FNDC3B: variants seen among roughly 807,000 people sequenced by gnomAD.
The protein encoded by FNDC3B is fibronectin type III domain-containing protein 3B.
Under a neutral mutation model 151.5 loss-of-function variants are expected in FNDC3B, and 12 were observed. That is an observed-to-expected ratio of 0.08 (90% CI 0.05 to 0.13). The LOEUF is 0.13. Ranked by LOEUF, FNDC3B falls within the 10% of genes least tolerant of loss-of-function variation. The pLI is 1.00. For synonymous variants in FNDC3B, 528 were observed against 549.0 expected (o/e 0.96, Z 0.54); for missense variants, 1,214 against 1,505.3 (o/e 0.81, Z 3.20).
At chr3:172,250,653 A>C (rs560005553) in intron 5 of FNDC3B, among the ~76,000 whole-genome samples, 1 of 152,214 alleles carries the variant, frequency 6.6e-6, no homozygotes, top group Non-Finnish European at 1.5e-5. Flanking sequence ...TATAAATGCA[A>C]CTAGAATATG....
chr3:172,067,617 G>T (rs529266120), intron 1 of FNDC3B, among the ~76,000 whole-genome samples: 1 of 151,922 alleles, frequency 6.6e-6, no homozygotes, highest in Non-Finnish European at 1.5e-5. Flanking sequence ...TTTCCTATAC[G>T]AAGCAAAGTC....
chr3:172,344,203 A>C lies in FNDC3B; in HGVS notation c.2195A>C (p.Asn732Thr). ...CCAGAGCTGGAGTGCACCGTCGGCA[A>C]CCTGCTTCCTGGAACCGTGTATCGC... ...HGPELECTVG[N>T]LLPGTVYRFR... Residue 732 changes from asparagine to threonine, a missense_variant, in exon 19 of 26, where the codon AAC becomes ACC. By Grantham distance (65) the Asn-to-Thr change is moderately conservative. Transcript: ENST00000415807. 6.2e-7 allele frequency: 1 copy of C among 1,614,138 alleles called. No individual in the cohort carries two copies.
intron 1 of FNDC3B, among the ~76,000 whole-genome samples, chr3:172,058,832 T>C (rs965276486): frequency 6.6e-6 from 1 of 152,228 alleles, no homozygotes; most frequent in African/African-American, 2.4e-5. Flanking sequence ...ATATTTGTTT[T>C]GTATTGACTG....
chr3:172,106,437 G>A (rs1719646600), intron 1 of FNDC3B, among the ~76,000 whole-genome samples: 1 of 152,134 alleles, frequency 6.6e-6, no homozygotes, highest in Non-Finnish European at 1.5e-5. Context: ...TCTCATCCAG[G>A]CTGGCCCGGT....
chr3:172,382,951 ACT>A (rs1404000737), intron 25 of FNDC3B, among the ~76,000 whole-genome samples: 2 of 151,574 alleles, frequency 1.3e-5, no homozygotes, highest in Admixed American at 6.6e-5. Flanking sequence ...GGCTATACAC[ACT>A]CTTTTTTGGT....
rs1361317644 is a variant in FNDC3B at position 172,307,396 on chromosome 3, C to T, written c.1095C>T (p.Ser365=). 6.2e-7 allele frequency: 1 copy of T among 1,614,112 alleles called. No individual in the cohort carries two copies. Reference sequence around the variant, plus strand: ...CCATGTACAATTCCGTAAAGGGATCCTGCTCCGAGCCTGTTAGCTTCACCA... The same window carrying T: ...CCATGTACAATTCCGTAAAGGGATCTTGCTCCGAGCCTGTTAGCTTCACCA... ...VYAMYNSVKG[S]CSEPVSFTTH... Residue 365 remains serine (S), a synonymous_variant, in exon 10 of 26, where the codon TCC becomes TCT. Transcript: ENST00000415807.
At chr3:172,192,136 C>A (rs1294387005) in intron 3 of FNDC3B, among the ~76,000 whole-genome samples, 1 of 151,322 alleles carries the variant, frequency 6.6e-6, no homozygotes, top group Non-Finnish European at 1.5e-5. Flanking sequence ...CTCTTGTTAA[C>A]CAAATACACA....
intron 6 of FNDC3B, among the ~76,000 whole-genome samples, chr3:172,278,975 A>G (rs972777769): frequency 6.6e-6 from 1 of 152,134 alleles, no homozygotes; most frequent in African/African-American, 2.4e-5. Context: ...GTCCAGTTCC[A>G]TGCATATACA....
At chr3:172,068,286 G>A (rs929467425) in intron 1 of FNDC3B, among the ~76,000 whole-genome samples, 1 of 152,182 alleles carries the variant, frequency 6.6e-6, no homozygotes, top group Non-Finnish European at 1.5e-5. Flanking sequence ...AAGAACAGAA[G>A]CTAATGATGG....
chr3:172,291,273 A>T (rs562337305), intron 7 of FNDC3B, among the ~76,000 whole-genome samples: 14 of 152,338 alleles, frequency 9.2e-5, no homozygotes, highest in Admixed American at 9.1e-4. Flanking sequence ...TAAATAGACG[A>T]GTGATTTCTA....
At chr3:172,049,248 C>G (rs575642180) in intron 1 of FNDC3B, among the ~76,000 whole-genome samples, 1 of 152,280 alleles carries the variant, frequency 6.6e-6, no homozygotes, top group Admixed American at 6.5e-5. Flanking sequence ...CTGGCTGTTG[C>G]AGTGTAAATG....
chr3:172,174,315 T>A (rs1226126901), intron 3 of FNDC3B, among the ~76,000 whole-genome samples: 1 of 152,232 alleles, frequency 6.6e-6, no homozygotes, highest in Non-Finnish European at 1.5e-5. Flanking sequence ...CTTTGTTTTC[T>A]ACAGCATGGT....
At chr3:172,238,302 C>T (rs554830370) in intron 4 of FNDC3B, among the ~76,000 whole-genome samples, 4 of 152,184 alleles carry the variant, frequency 2.6e-5, no homozygotes, top group African/African-American at 4.8e-5. Flanking sequence ...ATGACAGGAC[C>T]GTGCCAGCAC....
intron 18 of FNDC3B, among the ~76,000 whole-genome samples, chr3:172,343,682 C>T (rs1275614901): frequency 1.3e-5 from 2 of 152,140 alleles, no homozygotes; most frequent in African/African-American, 2.4e-5. Context: ...TTTTTTCCTA[C>T]CACTTATGTC....
At chr3:172,231,181 T>G (rs186997184) in intron 4 of FNDC3B, among the ~76,000 whole-genome samples, 5 of 152,204 alleles carry the variant, frequency 3.3e-5, no homozygotes, top group Admixed American at 1.3e-4. Context: ...GAAAACAGTA[T>G]GCTAAGTGAA....
chr3:172,351,693 A>G (rs1733862600), intron 21 of FNDC3B, among the ~76,000 whole-genome samples: 1 of 152,218 alleles, frequency 6.6e-6, no homozygotes, highest in South Asian at 2.1e-4. Flanking sequence ...ACCAGATGGG[A>G]GAGAGAGTAG....
At chr3:172,044,816 CA>C (rs779803088) in intron 1 of FNDC3B, among the ~76,000 whole-genome samples, 4 of 152,288 alleles carry the variant, frequency 2.6e-5, no homozygotes, top group Middle Eastern at 6.8e-3. Flanking sequence ...GTGCTTAATA[CA>C]AATGAGAAAT....
intron 3 of FNDC3B, among the ~76,000 whole-genome samples, chr3:172,153,547 G>A (rs968820002): frequency 6.6e-6 from 1 of 152,234 alleles, no homozygotes; most frequent in Non-Finnish European, 1.5e-5. Context: ...CAGGCTGGGG[G>A]CATGAATCAC....
intron 3 of FNDC3B, among the ~76,000 whole-genome samples, chr3:172,191,962 A>T (rs1724531742): frequency 6.6e-6 from 1 of 152,118 alleles, no homozygotes; most frequent in Admixed American, 6.5e-5. Context: ...ATGGCCCTGA[A>T]GTGTGGTCGG....
Sources: allele counts gnomAD v4.1 joint callset (sites outside exome capture counted in the v4.1 genomes callset), GRCh38; gene constraint gnomAD v4.1.1; transcripts MANE v1.5; gene names NCBI Gene and HGNC (gene_info 2026-07-23, HGNC 2026-07-21).